ERC2: variants seen among roughly 807,000 people sequenced by gnomAD.
The protein encoded by ERC2 is ERC protein 2.
In ERC2, 42 loss-of-function variants were observed where a neutral mutation model predicts 114.8. That is an observed-to-expected ratio of 0.37 (90% CI 0.29 to 0.47). The LOEUF (loss-of-function observed/expected upper bound fraction) is 0.47, where lower values mean the gene tolerates loss of function less well. Ranked by LOEUF, ERC2 falls within the 20% of genes least tolerant of loss-of-function variation. The pLI, the probability that ERC2 is intolerant of heterozygous loss-of-function variation, is 0.99. For missense variants in ERC2, 939 were observed against 1,150.7 expected, an observed-to-expected ratio of 0.82 and a Z score of 2.66; for synonymous variants, 454 against 425.5, an observed-to-expected ratio of 1.07 and a Z score of -0.82.
chr3:56,126,254 C>G (rs184134907), intron 6 of ERC2, among the ~76,000 whole-genome samples: 208 of 152,224 alleles, frequency 1.4e-3, no homozygotes, highest in African/African-American at 4.6e-3. Flanking sequence ...AAAACAGAGT[C>G]ATTTGTCCTA....
At chr3:55,937,145 A>G (rs2066494432) in intron 13 of ERC2, among the ~76,000 whole-genome samples, 1 of 152,214 alleles carries the variant, frequency 6.6e-6, no homozygotes, top group Non-Finnish European at 1.5e-5. Context: ...GTTTGAGACC[A>G]GCCTGGCCAA....
At chr3:56,032,075 A>G (rs1519037) in intron 7 of ERC2, among the ~76,000 whole-genome samples, 141,890 of 152,102 alleles carry the variant, frequency 0.93, 66,509 homozygotes, top group East Asian at 1. Context: ...CTTCTCTCTC[A>G]TCTCCTTTTT....
intron 17 of ERC2, among the ~76,000 whole-genome samples, chr3:55,556,289 C>T (rs2055600699): frequency 1.3e-5 from 2 of 152,176 alleles, no homozygotes; most frequent in Non-Finnish European, 2.9e-5. Flanking sequence ...TCCACTCTAA[C>T]AATGTCAACA....
At chr3:55,654,968 C>G (rs1575964859) in intron 17 of ERC2, among the ~76,000 whole-genome samples, 1 of 152,212 alleles carries the variant, frequency 6.6e-6, no homozygotes, top group African/African-American at 2.4e-5. Flanking sequence ...TTCTTGCATG[C>G]CTTTGCCTGA....
chr3:56,388,307 T>G (rs558842326), intron 2 of ERC2, among the ~76,000 whole-genome samples: 1 of 152,268 alleles, frequency 6.6e-6, no homozygotes, highest in South Asian at 2.1e-4. Flanking sequence ...TCTCACTCTG[T>G]GAGTTCGTGC....
chr3:55,781,577 A>G (rs1228504505), intron 14 of ERC2, among the ~76,000 whole-genome samples: 1 of 151,930 alleles, frequency 6.6e-6, no homozygotes, highest in African/African-American at 2.4e-5. Flanking sequence ...ACTCATTTGA[A>G]AAAGGAAGAG....
At chr3:56,263,928 T>C (rs559584332) in intron 3 of ERC2, among the ~76,000 whole-genome samples, 1 of 152,210 alleles carries the variant, frequency 6.6e-6, no homozygotes, top group South Asian at 2.1e-4. Flanking sequence ...CATCCTGAAT[T>C]TGATAATACA....
At chr3:56,094,058 C>G (rs2077929171) in intron 6 of ERC2, among the ~76,000 whole-genome samples, 1 of 152,194 alleles carries the variant, frequency 6.6e-6, no homozygotes, top group Non-Finnish European at 1.5e-5. Flanking sequence ...ATTTAACTTA[C>G]CTTTCCCCAC....
chr3:55,557,028 A>G (rs1196359617), intron 17 of ERC2, among the ~76,000 whole-genome samples: 1 of 152,126 alleles, frequency 6.6e-6, no homozygotes, highest in Non-Finnish European at 1.5e-5. Context: ...CTTTTAGGAG[A>G]GATGAGACAT....
chr3:55,551,696 C>T (rs116530139), intron 17 of ERC2, among the ~76,000 whole-genome samples: 5,320 of 152,212 alleles, frequency 0.035, 139 homozygotes, highest in South Asian at 0.072. Context: ...TCAATGAAGG[C>T]CTCAACTGAT....
At chr3:56,022,730 G>A (rs139429083) in intron 7 of ERC2, among the ~76,000 whole-genome samples, 5 of 152,308 alleles carry the variant, frequency 3.3e-5, no homozygotes, top group African/African-American at 1.2e-4. Flanking sequence ...GGGGTGGAAA[G>A]GGAAGGGTTT....
chr3:56,309,721 C>G (rs2056431281), intron 2 of ERC2, among the ~76,000 whole-genome samples: 3 of 152,198 alleles, frequency 2.0e-5, no homozygotes, highest in Non-Finnish European at 4.4e-5. Flanking sequence ...ACAGGAGATG[C>G]TTACTGAGTG....
intron 17 of ERC2, among the ~76,000 whole-genome samples, chr3:55,645,029 C>T (rs114485918): frequency 0.021 from 3,143 of 152,066 alleles, 46 homozygotes; most frequent in Middle Eastern, 0.068. Context: ...TTCTCCTTAC[C>T]GGAGAAAAAC....
intron 17 of ERC2, among the ~76,000 whole-genome samples, chr3:55,676,642 G>A (rs2061829152): frequency 6.6e-6 from 1 of 151,450 alleles, no homozygotes; most frequent in Non-Finnish European, 1.5e-5. Flanking sequence ...CTCAACTAGT[G>A]TTTCCAACAC....
At chr3:56,294,951 G>A (rs2055334039) in intron 3 of ERC2, among the ~76,000 whole-genome samples, 1 of 152,154 alleles carries the variant, frequency 6.6e-6, no homozygotes. Flanking sequence ...CATTAAATTT[G>A]CAGACACAAA....
chr3:55,558,804 T>G (rs188278482), intron 17 of ERC2, among the ~76,000 whole-genome samples: 3 of 152,362 alleles, frequency 2.0e-5, no homozygotes, highest in Non-Finnish European at 4.4e-5. Context: ...AAGCTAGATC[T>G]CCCAAGTACA....
intron 2 of ERC2, among the ~76,000 whole-genome samples, chr3:56,326,195 G>A (rs544000811): frequency 3.9e-5 from 6 of 152,326 alleles, no homozygotes; most frequent in African/African-American, 1.4e-4. Context: ...GAACTGCTCA[G>A]GAAGAGCTGG....
intron 14 of ERC2, among the ~76,000 whole-genome samples, chr3:55,762,437 G>C (rs2067507201): frequency 6.6e-6 from 1 of 152,202 alleles, no homozygotes; most frequent in Admixed American, 6.5e-5. Context: ...TTTGACACAT[G>C]TGTGTTCCAA....
intron 14 of ERC2, among the ~76,000 whole-genome samples, chr3:55,784,410 T>C (rs1352356890): frequency 1.3e-5 from 2 of 152,212 alleles, no homozygotes; most frequent in Non-Finnish European, 2.9e-5. Flanking sequence ...AGTTTCTTGA[T>C]TTTGGTTACC....
Sources: gnomAD v4.1 joint callset for allele counts (sites outside exome capture counted in the v4.1 genomes callset) on GRCh38, gnomAD v4.1.1 for gene constraint, MANE v1.5 for transcripts, NCBI Gene and HGNC (gene_info 2026-07-23, HGNC 2026-07-21) for gene names.